RALGAPA2: variants seen among roughly 807,000 people sequenced by gnomAD.
The protein encoded by RALGAPA2 is Ral GTPase activating protein catalytic subunit alpha 2.
In RALGAPA2, 139 loss-of-function variants were observed where a neutral mutation model predicts 230.4. The observed-to-expected ratio is 0.60, with a 90% CI of 0.53 to 0.69. The LOEUF is 0.69. Among genes scored for constraint, RALGAPA2 ranks in the 30% least tolerant of loss-of-function variants. The pLI is 0.00. For missense variants in RALGAPA2, 2,163 were observed against 2,276.0 expected, an observed-to-expected ratio of 0.95 and a Z score of 1.01; for synonymous variants, 847 against 837.8, an observed-to-expected ratio of 1.01 and a Z score of -0.19.
intron 27 of RALGAPA2, among the ~76,000 whole-genome samples, chr20:20,527,083 C>T (rs1418619148): frequency 2.0e-5 from 3 of 152,152 alleles, no homozygotes; most frequent in Admixed American, 2.0e-4. Context: ...CAAGGGCACC[C>T]TCTGCTTCCC....
intron 1 of RALGAPA2, among the ~76,000 whole-genome samples, chr20:20,696,420 A>G (rs2069113675): frequency 6.6e-6 from 1 of 152,126 alleles, no homozygotes; most frequent in African/African-American, 2.4e-5. Flanking sequence ...AAGCTAACCA[A>G]GCAAGTGTAG....
chr20:20,560,148 A>T (rs552683208), intron 23 of RALGAPA2, among the ~76,000 whole-genome samples: 23 of 152,184 alleles, frequency 1.5e-4, no homozygotes, highest in South Asian at 1.0e-3. Context: ...CTCTTGCATG[A>T]TGGGGACAGC....
intron 23 of RALGAPA2, among the ~76,000 whole-genome samples, chr20:20,561,708 G>A (rs942846764): frequency 3.6e-4 from 55 of 152,176 alleles, no homozygotes; most frequent in African/African-American, 1.3e-3. Context: ...CTAACAGAGT[G>A]AGACTTTCAT....
chr20:20,548,427 C>T (rs542049257), intron 23 of RALGAPA2, among the ~76,000 whole-genome samples: 54 of 152,072 alleles, frequency 3.6e-4, no homozygotes, highest in African/African-American at 1.3e-3. Flanking sequence ...CTTAAAATTA[C>T]TGTATAATGC....
intron 37 of RALGAPA2, among the ~76,000 whole-genome samples, chr20:20,434,787 C>T (rs1602357434): frequency 1.3e-5 from 2 of 152,072 alleles, no homozygotes; most frequent in Non-Finnish European, 2.9e-5. Flanking sequence ...ACATTAAAAA[C>T]TAGATGGGTG....
chr20:20,549,984 A>G (rs1200511573), intron 23 of RALGAPA2, among the ~76,000 whole-genome samples: 3 of 152,160 alleles, frequency 2.0e-5, no homozygotes, highest in Non-Finnish European at 4.4e-5. Context: ...AAAGTGACTC[A>G]TGTTTTAATT....
Position 20,635,467 on chromosome 20 carries a change from G to A in RALGAPA2, c.956C>T (p.Ala319Val). The A allele has an allele frequency of 6.2e-7, 1 of 1,601,782 alleles. No homozygotes were observed. The highest frequency in any genetic ancestry group is 8.5e-7 in the Non-Finnish European group (1 of 1,175,486). ...TFFLEKKYLT[A>V]TQNTKNGVDV... ...AACTCCATTTTTAGTGTTTTGTGTT[G>A]CAGTTAGATACTTTTTTTCCAAAAA... is the stretch of plus-strand genomic sequence containing the variant. Residue 319 changes from alanine (A) to valine (V), a missense_variant, in exon 9 of 40, where the codon GCA becomes GTA. Physicochemically the swap from Ala to Val is moderately conservative, Grantham distance 64. Coordinates refer to ENST00000202677, the MANE Select transcript of RALGAPA2 (RefSeq NM_020343.4).
chr20:20,571,982 C>T (rs540349914), intron 21 of RALGAPA2, 36 bp from the exon 22 acceptor site: 2 of 1,418,576 alleles, frequency 1.4e-6, no homozygotes, highest in Non-Finnish European at 2.0e-6. Context: ...GGGTAGGTAA[C>T]ATTACGTTTA....
chr20:20,592,806 G>C (rs2065332875), intron 16 of RALGAPA2, among the ~76,000 whole-genome samples: 1 of 152,158 alleles, frequency 6.6e-6, no homozygotes, highest in African/African-American at 2.4e-5. Context: ...ATTTAATACA[G>C]AGGATTTCAA....
intron 3 of RALGAPA2, among the ~76,000 whole-genome samples, chr20:20,657,371 G>A (rs2067624822): frequency 1.3e-5 from 2 of 152,260 alleles, no homozygotes; most frequent in Admixed American, 1.3e-4. Flanking sequence ...AAAGCCGAAG[G>A]TGTGAAGAGC....
chr20:20,701,995 G>GCACCA (rs2069394050), intron 1 of RALGAPA2, among the ~76,000 whole-genome samples: 1 of 150,352 alleles, frequency 6.7e-6, no homozygotes, highest in Non-Finnish European at 1.5e-5. Flanking sequence ...AGCCAAGATC[G>GCACCA]CACCACTGCA....
chr20:20,397,891 G>GT (rs1156715077), intron 38 of RALGAPA2, among the ~76,000 whole-genome samples: 1 of 152,172 alleles, frequency 6.6e-6, no homozygotes, highest in East Asian at 1.9e-4. Context: ...CGTGGGTCGT[G>GT]TATGATCCTT....
intron 23 of RALGAPA2, among the ~76,000 whole-genome samples, chr20:20,561,098 G>A (rs190046954): frequency 4.5e-4 from 69 of 152,326 alleles, no homozygotes; most frequent in Admixed American, 4.1e-3. Context: ...GTCCTAGAGC[G>A]TCAGACAGCC....
intron 2 of RALGAPA2, among the ~76,000 whole-genome samples, chr20:20,677,792 T>C (rs1475541760): frequency 2.6e-5 from 4 of 151,660 alleles, no homozygotes; most frequent in Non-Finnish European, 5.9e-5. Flanking sequence ...TACAGGCGCC[T>C]GCCACCACAC....
chr20:20,466,729 C>T (rs1217175696), intron 37 of RALGAPA2, among the ~76,000 whole-genome samples: 2 of 151,658 alleles, frequency 1.3e-5, no homozygotes, highest in Non-Finnish European at 1.5e-5. Flanking sequence ...TGTTGCATCA[C>T]TCTCATCTCT....
intron 11 of RALGAPA2, 142 bp downstream of exon 11, chr20:20,620,321 G>T: frequency 2.4e-6 from 2 of 838,170 alleles, no homozygotes; most frequent in Non-Finnish European, 3.6e-6. Flanking sequence ...GATCCTCACA[G>T]AACTCAGCAA....
intron 29 of RALGAPA2, 121 bp from the exon 30 acceptor site, chr20:20,524,664 G>T: frequency 7.4e-7 from 1 of 1,351,510 alleles, no homozygotes; most frequent in Non-Finnish European, 1.0e-6. Context: ...AGATAAGTAG[G>T]TAAGTAAATA....
chr20:20,653,195 CAAAAAAAAAA>C (rs60906434), intron 4 of RALGAPA2, among the ~76,000 whole-genome samples: 436 of 27,522 alleles, frequency 0.016, 1 homozygote, highest in African/African-American at 0.039. Flanking sequence ...GACTCCATCT[CAAAAAAAAAA>C]AAAAAAAAAA....
At position 20,629,590 on chromosome 20, in the gene RALGAPA2, T is replaced by A. The variant is rs1489950525; in HGVS notation, c.1006A>T (p.Thr336Ser). Residue 336 changes from threonine to serine, a missense_variant and splice_region_variant, in exon 10 of 40, where the codon ACT becomes TCT. By Grantham distance (58) the Thr-to-Ser change is moderately conservative. Transcript: ENST00000202677. ...TCCTGCACAGCACCACCACCAACAG[T>A]CTGGAAGAAAGTCAGCACACTTCTC... ...GVDVLPKIIQ[T>S]VGGGAVQERA... The A allele has an allele frequency of 6.2e-7, 1 of 1,612,830 alleles. No homozygotes were observed. The highest frequency in any genetic ancestry group is 1.7e-5 in the Admixed American group (1 of 60,016).
Sources: gnomAD v4.1 joint callset for allele counts (sites outside exome capture counted in the v4.1 genomes callset) on GRCh38, gnomAD v4.1.1 for gene constraint, MANE v1.5 for transcripts, NCBI Gene and HGNC (gene_info 2026-07-23, HGNC 2026-07-21) for gene names.